The following SREBF1 variants were observed in gnomAD, a reference collection of about 807,000 sequenced individuals.
SREBF1 encodes sterol regulatory element binding transcription factor 1, also known as sterol regulatory element-binding protein 1.
Under a neutral mutation model 100.1 loss-of-function variants are expected in SREBF1, and 45 were observed. That is an observed-to-expected ratio of 0.45 (90% confidence interval 0.35 to 0.58). The LOEUF (loss-of-function observed/expected upper bound fraction) is 0.58. Ranked by LOEUF, SREBF1 falls within the 20% of genes least tolerant of loss-of-function variation. The pLI is 0.00. For synonymous variants in SREBF1, 657 were observed against 681.8 expected (o/e 0.96, Z 0.57); for missense variants, 1,324 against 1,539.4 (o/e 0.86, Z 2.34).
intron 18 of SREBF1, 21 bp from the exon 19 acceptor site, chr17:17,812,872 C>T: frequency 1.4e-6 from 2 of 1,472,030 alleles, no homozygotes; most frequent in African/African-American, 2.9e-5. Context: ...GAGGATGTGT[C>T]AGGGATGGGT....
At chr17:17,835,742 C>A (rs2035183460) in intron 1 of SREBF1, among the ~76,000 whole-genome samples, 1 of 152,266 alleles carries the variant, frequency 6.6e-6, no homozygotes, top group South Asian at 2.1e-4. Flanking sequence ...CACTTGGTGC[C>A]ACCATTGGCC....
intron 1 of SREBF1, among the ~76,000 whole-genome samples, chr17:17,830,482 A>G (rs1407208885): frequency 1.3e-5 from 2 of 152,218 alleles, no homozygotes; most frequent in African/African-American, 4.8e-5. Context: ...AGGTTCTTGG[A>G]CTTGTCCAAG....
Position 17,836,924 on chromosome 17 carries a change from G to T in SREBF1, c.-107C>A. On this transcript the variant is annotated 5_prime_UTR_variant, in exon 1 of 19. Coordinates refer to ENST00000261646, the MANE Select transcript of SREBF1 (RefSeq NM_004176.5). ...CTCTCAGTCGCCGCCGCCGCTCCGCGCGTTCGTGTCCTGCCCTGGCCTCAG... is the reference window on the plus strand; with the variant it reads ...CTCTCAGTCGCCGCCGCCGCTCCGCTCGTTCGTGTCCTGCCCTGGCCTCAG... The T allele has an allele frequency of 9.2e-7, 1 of 1,087,244 alleles. No homozygotes were observed. The highest frequency in any genetic ancestry group is 1.2e-6 in the Non-Finnish European group (1 of 805,252). The allele number at this position is 1,087,244 out of a possible 1,614,324, so 67.3% of individuals were successfully genotyped here. A position where few individuals can be genotyped will look rare whatever the true frequency, so the allele number is the denominator to read the frequency against.
intron 16 of SREBF1, chr17:17,813,997 T>C: frequency 1.5e-6 from 1 of 657,944 alleles, no homozygotes; most frequent in Non-Finnish European, 2.6e-6. Context: ...ATGCAGGGCC[T>C]CCAAAGGGAT....
intron 1 of SREBF1, among the ~76,000 whole-genome samples, 167 bp downstream of exon 1, chr17:17,836,560 G>A (rs1055178519): frequency 1.3e-5 from 2 of 152,172 alleles, no homozygotes; most frequent in African/African-American, 4.8e-5. Context: ...CGGGAACCAG[G>A]GAGGCTCGGT....
chr17:17,812,786 A>C lies in SREBF1; in HGVS notation c.3280T>G (p.Ser1094Ala). The change falls in exon 19 of 19, where the codon TCC (serine) becomes GCC (alanine). Residue 1094 changes from serine to alanine, a missense_variant. Transcript: ENST00000261646. ...REHAEALLLA[S>A]CYLPPGFLSA... Reference sequence around the variant, plus strand: ...AGGAAGCCGGGGGGCAGGTAGCAGGAGGCCAGCAGCAAGGCCTCCGCGTGC... The same window carrying C: ...AGGAAGCCGGGGGGCAGGTAGCAGGCGGCCAGCAGCAAGGCCTCCGCGTGC... The C allele has an allele frequency of 6.6e-7, 1 of 1,525,562 alleles. No individual in the cohort carries two copies. The highest frequency in any genetic ancestry group is 8.8e-7 in the Non-Finnish European group (1 of 1,137,220). The allele number at this position is 1,525,562 out of a possible 1,614,324, so 94.5% of individuals were successfully genotyped here. A position where few individuals can be genotyped will look rare whatever the true frequency, so the allele number is the denominator to read the frequency against.
chr17:17,819,923 G>A, intron 2 of SREBF1, 167 bp downstream of exon 2: 4 of 1,144,776 alleles, frequency 3.5e-6, no homozygotes, highest in Non-Finnish European at 4.8e-6. Context: ...GCCTACCCCG[G>A]CAACAAGCAC....
chr17:17,814,051 T>C (rs1053490623), intron 16 of SREBF1, 194 bp downstream of exon 16: 10 of 690,332 alleles, frequency 1.4e-5, no homozygotes, highest in African/African-American at 1.1e-4. Context: ...ATGGGGAAAC[T>C]GAGGCCAGAT....
At chr17:17,827,140 G>A (rs1305274589) in intron 1 of SREBF1, among the ~76,000 whole-genome samples, 1 of 152,246 alleles carries the variant, frequency 6.6e-6, no homozygotes, top group Non-Finnish European at 1.5e-5. Flanking sequence ...TGCAGTGGGC[G>A]TGGGCAGGAT....
rs1380812448 is a variant in SREBF1 at position 17,817,826 on chromosome 17, A to G, written c.1274T>C (p.Leu425Pro). 1 of 1,611,612 alleles carries G rather than the reference A, an allele frequency of 6.2e-7. No homozygotes were observed. Among genetic ancestry groups the G allele is most frequent in the Non-Finnish European group, 8.5e-7 (1 of 1,179,984 alleles). Residue 425 changes from leucine (L) to proline (P), a missense_variant, in exon 7 of 19, where the codon CTG becomes CCG. By Grantham distance (98) the Leu-to-Pro change is moderately conservative. Transcript: ENST00000261646. The surrounding 1 kb of genome is among the most constrained non-coding windows in gnomAD (Gnocchi z 6.6). ...GCCAGCATCCGAGGGGGGTGGGGTC[A>G]GTGTGTCCTCCACCTCAGTCTTCAC... ...EGVKTEVEDT[L>P]TPPPSDAGSP... is the part of the protein sequence containing the mutation.
At position 17,836,870 on chromosome 17, in the gene SREBF1, C is replaced by T; in HGVS notation, c.-53G>A. On this transcript the variant is annotated 5_prime_UTR_variant, in exon 1 of 19. Transcript: ENST00000261646. Reference sequence around the variant, plus strand: ...GCCGGGCCCGCCGCCTCGTACGGCCCTTCCTAGGGAGCGCCGCCGCGGCCC... The same window carrying T: ...GCCGGGCCCGCCGCCTCGTACGGCCTTTCCTAGGGAGCGCCGCCGCGGCCC... The T allele has an allele frequency of 6.9e-7, 1 of 1,448,176 alleles. No individual in the cohort carries two copies. The highest frequency in any genetic ancestry group is 1.5e-5 in the African/African-American group (1 of 67,004). The allele number at this position is 1,448,176 out of a possible 1,614,324, so 89.7% of individuals were successfully genotyped here. A position where few individuals can be genotyped will look rare whatever the true frequency, so the allele number is the denominator to read the frequency against.
In SREBF1 at chr17:17,815,214, C is replaced by T; in HGVS notation, c.2492+7G>A. The stretch of plus-strand genomic sequence containing the variant: ...CCTTGCCTGGAGGAGGGCACAACGA[C>T]ACTTACTTGTCCCCATCAGCTGACC... On this transcript the variant is annotated splice_region_variant and intron_variant, in intron 13 of 18. Coordinates refer to ENST00000261646, the MANE Select transcript of SREBF1 (RefSeq NM_004176.5). 1.2e-6 allele frequency: 2 copies of T among 1,611,882 alleles called. No homozygotes were observed. The highest frequency in any genetic ancestry group is 1.7e-6 in the Non-Finnish European group (2 of 1,178,494).
At position 17,816,799 on chromosome 17, in the gene SREBF1, C is replaced by T. The variant is rs2033639195; in HGVS notation, c.1786-81G>A. The stretch of plus-strand genomic sequence containing the variant: ...GCTCAGAAGAGCCGTCCACAGCAGG[C>T]TCTGGAGGGGTGGTGGGGGTCTGCG... On this transcript the variant is annotated intron_variant, in intron 9 of 18. Coordinates refer to ENST00000261646, the MANE Select transcript of SREBF1 (RefSeq NM_004176.5). 18 of 1,573,046 alleles carry T rather than the reference C, an allele frequency of 1.1e-5. No individual in the cohort carries two copies. The Admixed American group carries it at 1.7e-4, about 14-fold the overall frequency.
In SREBF1 at chr17:17,836,731, G is replaced by C; in HGVS notation, c.87C>G (p.Ile29Met). 1.9e-6 allele frequency: 3 copies of C among 1,569,620 alleles called. No individual in the cohort carries two copies. Among genetic ancestry groups the C allele is most frequent in the Non-Finnish European group, 2.6e-6 (3 of 1,165,396 alleles). ...GCCCTGCCCGCCCTGACGCACCTTC[G>C]ATGTCGGTCAGCAGCGCCGCGTCCA... ...CDLDAALLTD[I>M]EDMLQLINNQ... Residue 29 changes from isoleucine to methionine, a missense_variant, in exon 1 of 19, where the codon ATC becomes ATG. Transcript: ENST00000261646.
intron 1 of SREBF1, 159 bp from the exon 2 acceptor site, chr17:17,820,680 G>A: frequency 2.5e-6 from 2 of 803,908 alleles, no homozygotes; most frequent in Admixed American, 2.0e-5. Context: ...CACAGGAGCT[G>A]GTGTTCCCGG....
intron 5 of SREBF1, 22 bp downstream of exon 5, chr17:17,818,991 G>A (rs970178126): frequency 6.2e-7 from 1 of 1,609,996 alleles, no homozygotes. Flanking sequence ...CCCGGTCTGT[G>A]CCCCTGCAGG....
chr17:17,818,409 T>G, intron 5 of SREBF1, 35 bp from the exon 6 acceptor site: 1 of 1,544,310 alleles, frequency 6.5e-7, no homozygotes, highest in Non-Finnish European at 8.9e-7. Context: ...AGCGCACAGG[T>G]GGCCTGTCAG....
intron 18 of SREBF1, chr17:17,813,096 G>A (rs1325930077): frequency 3.3e-6 from 2 of 602,702 alleles, no homozygotes; most frequent in African/African-American, 3.7e-5. Flanking sequence ...CTTGTGAAAG[G>A]AATTGTCATC....
chr17:17,813,358 G>GC lies in SREBF1; in HGVS notation c.3214+9dup. 1 of 1,584,064 alleles carries GC rather than the reference G, an allele frequency of 6.3e-7. No homozygotes were observed. Among genetic ancestry groups the GC allele is most frequent in the Non-Finnish European group, 8.6e-7 (1 of 1,166,740 alleles). Reference sequence around the variant, plus strand: ...GACAGCACATCCCTGGTCAGCAGCTGCCCCCTCACCTCCTTTGCCACCGGG... The same window carrying GC: ...GACAGCACATCCCTGGTCAGCAGCTGCCCCCCTCACCTCCTTTGCCACCGGG... On this transcript the variant is annotated intron_variant, in intron 18 of 18. Transcript: ENST00000261646.
Sources: gnomAD v4.1 joint callset for allele counts (sites outside exome capture counted in the v4.1 genomes callset) on GRCh38, gnomAD v4.1.1 for gene constraint, Gnocchi (gnomAD v3.1) non-coding constraint, MANE v1.5 for transcripts, NCBI Gene and HGNC (gene_info 2026-07-23, HGNC 2026-07-21) for gene names.